ZNF804A: variants seen among roughly 807,000 people sequenced by gnomAD.
The protein encoded by ZNF804A is zinc finger protein 804A.
ZNF804A carries 2 observed loss-of-function variants against 16.5 expected under a neutral mutation model. That is an observed-to-expected ratio of 0.12 (90% CI 0.05 to 0.38). ZNF804A has a LOEUF of 0.38. Ranked by LOEUF, ZNF804A falls within the 10% of genes least tolerant of loss-of-function variation. The probability of loss-of-function intolerance (pLI) is 0.99; values close to 1 mark genes in which losing one functional copy is unlikely to be tolerated. For missense variants in ZNF804A, 1,473 were observed against 1,390.7 expected (o/e 1.06, Z -0.94); for synonymous variants, 534 against 489.6 (o/e 1.09, Z -1.20).
chr2:184,760,215 A>T (rs1462160421), intron 1 of ZNF804A, among the ~76,000 whole-genome samples: 3 of 152,126 alleles, frequency 2.0e-5, no homozygotes, highest in Non-Finnish European at 4.4e-5. Flanking sequence ...CAGAGGCCTG[A>T]CAATTATGCC....
chr2:184,608,609 T>G (rs1691188445), intron 1 of ZNF804A, among the ~76,000 whole-genome samples: 1 of 152,192 alleles, frequency 6.6e-6, no homozygotes, highest in South Asian at 2.1e-4. Flanking sequence ...TAGTGTATCG[T>G]GAAACTTTAT....
intron 1 of ZNF804A, among the ~76,000 whole-genome samples, chr2:184,613,406 G>A (rs1691269521): frequency 6.6e-6 from 1 of 152,254 alleles, no homozygotes; most frequent in East Asian, 1.9e-4. Context: ...AATTCTACTA[G>A]CATCTTTAGC....
chr2:184,908,807 C>T (rs1341357958), intron 2 of ZNF804A, among the ~76,000 whole-genome samples: 1 of 152,094 alleles, frequency 6.6e-6, no homozygotes, highest in African/African-American at 2.4e-5. Flanking sequence ...CTGAGTTACG[C>T]TCAGAATGCA....
At chr2:184,829,936 A>T (rs1171543359) in intron 1 of ZNF804A, among the ~76,000 whole-genome samples, 2 of 139,436 alleles carry the variant, frequency 1.4e-5, no homozygotes, top group Non-Finnish European at 3.0e-5. Context: ...AAACAAAAAA[A>T]AAAAAACCAC....
intron 1 of ZNF804A, among the ~76,000 whole-genome samples, chr2:184,805,126 A>C (rs926965624): frequency 1.3e-5 from 2 of 152,184 alleles, no homozygotes; most frequent in Admixed American, 1.3e-4. Context: ...TAAACAAGAA[A>C]CATAAAAGCT....
rs116044463 is a variant in ZNF804A, at chr2:184,738,297, C to T, written c.112-128072C>T. On this transcript the variant is annotated intron_variant, in intron 1 of 3. Coordinates refer to ENST00000302277, the MANE Select transcript of ZNF804A (RefSeq NM_194250.2). The stretch of plus-strand genomic sequence containing the variant: ...GCACTGCTAAAAAAAAAGGACAGTA[C>T]ATGTGTAAGCATTTAACTTCCTGGG... Among the ~76,000 whole-genome samples, 306 of 151,962 alleles carry T rather than the reference C, an allele frequency of 2.0e-3. 1 individual carries two copies. Among genetic ancestry groups the T allele is most frequent in the African/African-American group, 7.1e-3 (294 of 41,454 alleles).
chr2:184,657,536 C>T (rs1174519783), intron 1 of ZNF804A, among the ~76,000 whole-genome samples: 1 of 152,140 alleles, frequency 6.6e-6, no homozygotes, highest in Non-Finnish European at 1.5e-5. Flanking sequence ...TTTCCGATAA[C>T]TCTATTTAGC....
Position 184,731,225 on chromosome 2 carries a change from T to G in ZNF804A, c.111+132155T>G, listed in dbSNP as rs559350680. On this transcript the variant is annotated intron_variant, in intron 1 of 3. Coordinates refer to ENST00000302277, the MANE Select transcript of ZNF804A (RefSeq NM_194250.2). ...GAGATCGTGCCACTGCACTCCAGCC[T>G]GGACAACAAGAGCTAGGCTCCGTCG... Among the ~76,000 whole-genome samples, 18 of 107,980 alleles carry G rather than the reference T, an allele frequency of 1.7e-4. 1 individual carries two copies. In the East Asian group the frequency reaches 5.7e-3, roughly 34 times the overall value. The allele number at this position is 107,980 out of a possible 152,430, so 70.8% of individuals were successfully genotyped here.
intron 1 of ZNF804A, among the ~76,000 whole-genome samples, chr2:184,709,662 G>A (rs1251773358): frequency 1.3e-5 from 2 of 151,594 alleles, no homozygotes; most frequent in African/African-American, 2.4e-5. Context: ...TTTAGTAGAT[G>A]AGAAGTTACC....
chr2:184,871,679 G>A (rs1426901858), intron 2 of ZNF804A, among the ~76,000 whole-genome samples: 2 of 151,928 alleles, frequency 1.3e-5, no homozygotes, highest in Non-Finnish European at 2.9e-5. Flanking sequence ...TAGAAGGACA[G>A]TGATGAGTTT....
chr2:184,688,036 T>C (rs1692666168), intron 1 of ZNF804A, among the ~76,000 whole-genome samples: 1 of 152,130 alleles, frequency 6.6e-6, no homozygotes, highest in Non-Finnish European at 1.5e-5. Context: ...TGAGAATTGC[T>C]TGAACCCGGG....
At chr2:184,910,933 T>C in intron 2 of ZNF804A, among the ~76,000 whole-genome samples, 1 of 152,088 alleles carries the variant, frequency 6.6e-6, no homozygotes, top group East Asian at 1.9e-4. Context: ...GTTCTCTGCT[T>C]ACTTTTGTTG....
chr2:184,730,936 A>C (rs1693502923), intron 1 of ZNF804A, among the ~76,000 whole-genome samples: 1 of 151,370 alleles, frequency 6.6e-6, no homozygotes, highest in Non-Finnish European at 1.5e-5. Context: ...GATTATGTTT[A>C]CTTTGCTAAG....
At chr2:184,822,986 G>A (rs1288665813) in intron 1 of ZNF804A, among the ~76,000 whole-genome samples, 4 of 152,056 alleles carry the variant, frequency 2.6e-5, no homozygotes, top group Non-Finnish European at 4.4e-5. Flanking sequence ...AGCCAAATAA[G>A]ACAAATAGTC....
At chr2:184,930,050 A>G (rs1161204410) in intron 2 of ZNF804A, among the ~76,000 whole-genome samples, 1 of 152,158 alleles carries the variant, frequency 6.6e-6, no homozygotes, top group Middle Eastern at 3.2e-3. Flanking sequence ...ACTCATAGAA[A>G]CACACAATGA....
At chr2:184,806,124 A>T (rs1444103785) in intron 1 of ZNF804A, among the ~76,000 whole-genome samples, 1 of 151,950 alleles carries the variant, frequency 6.6e-6, no homozygotes, top group Non-Finnish European at 1.5e-5. Flanking sequence ...TGTATCCATC[A>T]CTATTGACTT....
At chr2:184,724,556 T>C (rs1323250294) in intron 1 of ZNF804A, among the ~76,000 whole-genome samples, 1 of 126,676 alleles carries the variant, frequency 7.9e-6, no homozygotes, top group Non-Finnish European at 1.6e-5. Context: ...GAAAAGATAC[T>C]AAGATACTAC....
chr2:184,684,033 C>T (rs1692585284), intron 1 of ZNF804A, among the ~76,000 whole-genome samples: 1 of 152,132 alleles, frequency 6.6e-6, no homozygotes. Context: ...ATTTAGTTTG[C>T]TATTCCTTTA....
chr2:184,697,595 A>G lies in ZNF804A; in HGVS notation c.111+98525A>G, dbSNP rs115164872. Among the ~76,000 whole-genome samples, 605 of 152,198 alleles carry G rather than the reference A, an allele frequency of 4.0e-3. 11 individuals carry two copies. Among genetic ancestry groups the G allele is most frequent in the African/African-American group, 0.013 (550 of 41,568 alleles). On this transcript the variant is annotated intron_variant, in intron 1 of 3. Coordinates refer to ENST00000302277, the MANE Select transcript of ZNF804A (RefSeq NM_194250.2). Reference sequence around the variant, plus strand: ...CATGATTAGGCTAATGAGGGATGTTATGAAGATTGAAAAAGCATTTATCAA... The same window carrying G: ...CATGATTAGGCTAATGAGGGATGTTGTGAAGATTGAAAAAGCATTTATCAA...
Sources: gnomAD v4.1 joint callset for allele counts (sites outside exome capture counted in the v4.1 genomes callset) on GRCh38, gnomAD v4.1.1 for gene constraint, MANE v1.5 for transcripts, NCBI Gene and HGNC (gene_info 2026-07-23, HGNC 2026-07-21) for gene names.